The following PPM1B variants were observed in gnomAD, a reference collection of about 807,000 sequenced individuals.
The protein encoded by PPM1B is protein phosphatase, Mg2+/Mn2+ dependent 1B, also known as protein phosphatase 1B.
Under a neutral mutation model 43.0 loss-of-function variants are expected in PPM1B, and 22 were observed. The ratio of observed to expected loss-of-function variants is 0.51; its 90% CI spans 0.37 to 0.73. The LOEUF (loss-of-function observed/expected upper bound fraction) is 0.73, where lower values mean the gene tolerates loss of function less well. PPM1B is among the 30% of genes least tolerant of loss of function. PPM1B has a pLI of 0.00. For synonymous variants in PPM1B, 217 were observed against 197.9 expected, an observed-to-expected ratio of 1.10 and a Z score of -0.81; for missense variants, 632 against 584.2, an observed-to-expected ratio of 1.08 and a Z score of -0.84.
At chr2:44,210,394 A>AT (rs1669404642) in intron 3 of PPM1B, among the ~76,000 whole-genome samples, 1 of 151,518 alleles carries the variant, frequency 6.6e-6, no homozygotes, top group African/African-American at 2.4e-5. Context: ...AGTTTTCTTT[A>AT]TTTTTTGTAA....
At chr2:44,240,116 T>A (rs985908475) in intron 5 of PPM1B, among the ~76,000 whole-genome samples, 4 of 145,602 alleles carry the variant, frequency 2.7e-5, no homozygotes, top group Admixed American at 6.8e-5. Flanking sequence ...CAAGCAATCC[T>A]CCTGCCTCGG....
rs576545342 is a variant in PPM1B at position 44,239,733 on chromosome 2, T to C, written n.1547-4495T>C. ...CATATATTTAGGTTTTTAATCATTCTTGAATTTCTTGTTACATAGTATGTG... is the reference window on the plus strand; with the variant it reads ...CATATATTTAGGTTTTTAATCATTCCTGAATTTCTTGTTACATAGTATGTG... On this transcript the variant is annotated intron_variant and non_coding_transcript_variant, in intron 5 of 5. Coordinates refer to the PPM1B transcript ENST00000378540. Among the ~76,000 whole-genome samples the C allele has an allele frequency of 5.9e-5, 9 of 152,292 alleles. No individual in the cohort carries two copies. In the East Asian group the frequency reaches 1.5e-3, roughly 26 times the overall value.
At chr2:44,239,035 C>T (rs957425194), downstream of PPM1B, among the ~76,000 whole-genome samples, 1 of 151,628 alleles carries the variant, frequency 6.6e-6, no homozygotes, top group African/African-American at 2.4e-5. Context: ...ATTGGCTGGA[C>T]GTGGTGGCGT....
Position 44,201,082 on chromosome 2 carries a change from C to G in PPM1B, c.-14-104C>G. The G allele has an allele frequency of 8.2e-7, 1 of 1,215,286 alleles. No homozygotes were observed. Among genetic ancestry groups the G allele is most frequent in the Non-Finnish European group, 1.1e-6 (1 of 894,852 alleles). 75.3% of individuals were successfully genotyped at this position (1,215,286 alleles called of 1,614,324 possible). ...GTTGCTCCCGTAAATTAGGATAATA[C>G]TAAAAAAAATACTTGAGGTAGGAGT... On this transcript the variant is annotated intron_variant, in intron 1 of 5. Transcript: ENST00000282412. This position sits in a 1 kb window ranked among gnomAD's most constrained non-coding sequence, Gnocchi z 5.4.
At chr2:44,245,601 A>T (rs1434635628), downstream of PPM1B, among the ~76,000 whole-genome samples, 1 of 152,216 alleles carries the variant, frequency 6.6e-6, no homozygotes, top group African/African-American at 2.4e-5. Flanking sequence ...GAATAAAACT[A>T]CATCAGGTAC....
chr2:44,244,174 GAA>G (rs372100783), intron 5 of PPM1B: 39 of 789,340 alleles, frequency 4.9e-5, no homozygotes, highest in East Asian at 3.2e-4. Flanking sequence ...AATCCTGCAA[GAA>G]AAAAAAAAAC....
intron 5 of PPM1B, among the ~76,000 whole-genome samples, chr2:44,220,796 G>A (rs1195605601): frequency 6.6e-6 from 1 of 152,236 alleles, no homozygotes; most frequent in African/African-American, 2.4e-5. Context: ...TAAGCAGGGG[G>A]AAAGTCAGCT....
At chr2:44,198,399 G>T (rs975649740) in intron 1 of PPM1B, among the ~76,000 whole-genome samples, 1 of 152,126 alleles carries the variant, frequency 6.6e-6, no homozygotes, top group Non-Finnish European at 1.5e-5. Context: ...TGCCTCAAGT[G>T]ATCCGCCCGC....
At chr2:44,229,654 T>C (rs1670382384) in intron 5 of PPM1B, among the ~76,000 whole-genome samples, 1 of 152,230 alleles carries the variant, frequency 6.6e-6, no homozygotes, top group African/African-American at 2.4e-5. Context: ...GACTGTACTT[T>C]ATAATGCATC....
Position 44,204,704 on chromosome 2 carries a change from A to G in PPM1B, c.846+2659A>G, listed in dbSNP as rs188825093. ...AAACCCCGTCTCTATTAAAAAATAG[A>G]AAAAATCGGCCGGGCGTTGTGGTGG... On this transcript the variant is annotated intron_variant, in intron 2 of 5. Coordinates refer to ENST00000282412, the MANE Select transcript of PPM1B (RefSeq NM_002706.6). Among the ~76,000 whole-genome samples the G allele has an allele frequency of 6.2e-3, 947 of 152,006 alleles. 11 individuals carry two copies. The highest frequency in any genetic ancestry group is 0.013 in the Admixed American group (200 of 15,264).
downstream of PPM1B, chr2:44,234,728 T>A: frequency 2.2e-6 from 1 of 462,984 alleles, no homozygotes; most frequent in Non-Finnish European, 2.8e-6. Flanking sequence ...AGTGAACTTT[T>A]GCTTTTGTGG....
chr2:44,239,429 CTG>C (rs1449081926), downstream of PPM1B, among the ~76,000 whole-genome samples: 4 of 151,790 alleles, frequency 2.6e-5, no homozygotes, highest in East Asian at 1.9e-4. Flanking sequence ...ACCTCTCAGA[CTG>C]TTTTTCTTTT....
intron 5 of PPM1B, among the ~76,000 whole-genome samples, chr2:44,226,018 C>G (rs1208115082): frequency 6.8e-6 from 1 of 147,910 alleles, no homozygotes; most frequent in Non-Finnish European, 1.5e-5. Context: ...CTCTGTCGCC[C>G]AGGCTGGAGT....
At chr2:44,204,671 A>G (rs1472698554) in intron 2 of PPM1B, among the ~76,000 whole-genome samples, 2 of 152,054 alleles carry the variant, frequency 1.3e-5, no homozygotes, top group Non-Finnish European at 2.9e-5. Context: ...ATCCTGGCTA[A>G]CGCAGTGAAA....
At chr2:44,180,511 A>G (rs1667823536) in intron 1 of PPM1B, among the ~76,000 whole-genome samples, 1 of 152,242 alleles carries the variant, frequency 6.6e-6, no homozygotes, top group African/African-American at 2.4e-5. Flanking sequence ...GAGGTTAATC[A>G]GCATTCCAAT....
chr2:44,229,608 T>C (rs1324056182), intron 5 of PPM1B, among the ~76,000 whole-genome samples: 1 of 152,214 alleles, frequency 6.6e-6, no homozygotes, highest in Admixed American at 6.5e-5. Context: ...ATTATTAGAT[T>C]CATTCTAAAC....
intron 1 of PPM1B, among the ~76,000 whole-genome samples, chr2:44,195,263 G>C (rs1284617942): frequency 3.3e-5 from 5 of 150,886 alleles, no homozygotes; most frequent in African/African-American, 1.2e-4. Context: ...GAGTATAGTG[G>C]CATGATCATA....
At chr2:44,234,930 T>A (rs971204309), downstream of PPM1B, among the ~76,000 whole-genome samples, 1 of 152,240 alleles carries the variant, frequency 6.6e-6, no homozygotes, top group African/African-American at 2.4e-5. Context: ...AATGTTGAAC[T>A]GAATTCTTGT....
Position 44,169,140 on chromosome 2 carries a change from C to CCGGAGGCGGCGGAGGCGG in PPM1B, c.-137_-136insAGGCGGCGGAGGCGGCGG, listed in dbSNP as rs75626638. 2 of 167,050 alleles carry CCGGAGGCGGCGGAGGCGG rather than the reference C, an allele frequency of 1.2e-5. No individual in the cohort carries two copies. Among genetic ancestry groups the CCGGAGGCGGCGGAGGCGG allele is most frequent in the Non-Finnish European group, 2.6e-5 (2 of 77,460 alleles). The allele number at this position is 167,050 out of a possible 1,614,324, so 10.3% of individuals were successfully genotyped here. ...GAGGGGCCGGGCGGTGTAAACAGCC[C>CCGGAGGCGGCGGAGGCGG]CGGAGGCGGCGGTCGAGACCCCGAG... On this transcript the variant is annotated 5_prime_UTR_variant, in exon 1 of 6. Transcript: ENST00000282412.
Sources: gnomAD v4.1 joint callset for allele counts (sites outside exome capture counted in the v4.1 genomes callset) on GRCh38, gnomAD v4.1.1 for gene constraint, Gnocchi (gnomAD v3.1) non-coding constraint, MANE v1.5 for transcripts, NCBI Gene and HGNC (gene_info 2026-07-23, HGNC 2026-07-21) for gene names.